The following PTPN4 variants were observed in gnomAD, a reference collection of about 807,000 sequenced individuals.
PTPN4 encodes the protein tyrosine-protein phosphatase non-receptor type 4.
A neutral mutation model predicts 135.5 loss-of-function variants in PTPN4; 49 were observed. The ratio of observed to expected loss-of-function variants is 0.36; its 90% CI spans 0.29 to 0.46. The LOEUF (loss-of-function observed/expected upper bound fraction) is 0.46, where lower values mean the gene tolerates loss of function less well. Ranked by LOEUF, PTPN4 falls within the 20% of genes least tolerant of loss-of-function variation. The probability of loss-of-function intolerance (pLI) is 1.00; values close to 1 mark genes in which losing one functional copy is unlikely to be tolerated. For missense variants in PTPN4, 860 were observed against 1,101.0 expected, an observed-to-expected ratio of 0.78 and a Z score of 3.10; for synonymous variants, 333 against 369.9, an observed-to-expected ratio of 0.90 and a Z score of 1.14.
intron 24 of PTPN4, among the ~76,000 whole-genome samples, chr2:119,964,920 G>A (rs1018208921): frequency 1.2e-4 from 18 of 152,286 alleles, no homozygotes; most frequent in African/African-American, 4.1e-4. Flanking sequence ...CGAATACACT[G>A]AGACAGCAGG....
chr2:119,782,708 A>AC (rs1553434772), intron 1 of PTPN4, among the ~76,000 whole-genome samples: 2 of 40,456 alleles, frequency 4.9e-5, no homozygotes, highest in African/African-American at 9.8e-5. Flanking sequence ...AAACCCCCCC[A>AC]CCCCCCTTTT....
intron 3 of PTPN4, among the ~76,000 whole-genome samples, chr2:119,871,112 T>G (rs1216369631): frequency 6.7e-6 from 1 of 150,048 alleles, no homozygotes; most frequent in African/African-American, 2.5e-5. Flanking sequence ...CGTGACAAGA[T>G]ATTCAGCTTC....
chr2:119,852,788 G>T (rs1677611525), intron 2 of PTPN4, among the ~76,000 whole-genome samples: 1 of 151,422 alleles, frequency 6.6e-6, no homozygotes, highest in African/African-American at 2.4e-5. Flanking sequence ...TCTCAGCTCT[G>T]CTTTGGCCTT....
At chr2:119,764,087 A>T (rs1452780475) in intron 1 of PTPN4, among the ~76,000 whole-genome samples, 1 of 152,172 alleles carries the variant, frequency 6.6e-6, no homozygotes, top group Non-Finnish European at 1.5e-5. Context: ...GTCTGAAAGG[A>T]TCCCCTCCCC....
intron 8 of PTPN4, among the ~76,000 whole-genome samples, chr2:119,882,873 T>C (rs1678100749): frequency 6.6e-6 from 1 of 152,168 alleles, no homozygotes; most frequent in Non-Finnish European, 1.5e-5. Flanking sequence ...TATTGTGTAA[T>C]AGTCTAAATA....
At chr2:119,846,519 G>C (rs1476445992) in intron 2 of PTPN4, among the ~76,000 whole-genome samples, 1 of 150,204 alleles carries the variant, frequency 6.7e-6, no homozygotes, top group Non-Finnish European at 1.5e-5. Context: ...AAAGAAAAGT[G>C]TGTCTTTCTT....
intron 2 of PTPN4, among the ~76,000 whole-genome samples, chr2:119,851,730 T>C (rs183706929): frequency 1.3e-5 from 2 of 152,328 alleles, no homozygotes; most frequent in Admixed American, 6.5e-5. Flanking sequence ...TACTTCTCCC[T>C]GGGGCCTGCA....
chr2:119,925,739 A>G (rs948930403), intron 12 of PTPN4, among the ~76,000 whole-genome samples: 7 of 152,196 alleles, frequency 4.6e-5, no homozygotes, highest in African/African-American at 1.4e-4. Flanking sequence ...TACTCTTTTG[A>G]CTGACAGATG....
chr2:119,949,947 A>G (rs1246761206), intron 18 of PTPN4, among the ~76,000 whole-genome samples: 1 of 152,112 alleles, frequency 6.6e-6, no homozygotes, highest in East Asian at 1.9e-4. Flanking sequence ...GTATGTGTGT[A>G]TATATACACA....
At chr2:119,878,912 T>A (rs1277921155) in intron 5 of PTPN4, among the ~76,000 whole-genome samples, 1 of 151,594 alleles carries the variant, frequency 6.6e-6, no homozygotes, top group South Asian at 2.1e-4. Context: ...GCTAACACGG[T>A]GAAACCCCAT....
intron 9 of PTPN4, among the ~76,000 whole-genome samples, chr2:119,886,628 G>T (rs984972365): frequency 1.4e-4 from 21 of 152,144 alleles, no homozygotes; most frequent in African/African-American, 5.1e-4. Flanking sequence ...GAAATGAATA[G>T]TTGAGCCTAA....
At chr2:119,965,348 C>A in intron 24 of PTPN4, 149 bp from the exon 25 acceptor site, 1 of 731,272 alleles carries the variant, frequency 1.4e-6, no homozygotes, top group Non-Finnish European at 2.1e-6. Context: ...CAGAGAGCAG[C>A]TGACCTAGTG....
Position 119,965,618 on chromosome 2 carries a change from A to G in PTPN4, c.2531A>G (p.Lys844Arg), listed in dbSNP as rs1553479032. 3.7e-6 allele frequency: 6 copies of G among 1,613,920 alleles called. 1 individual carries two copies. In the South Asian group the frequency reaches 6.6e-5, roughly 18 times the overall value. Residue 844 changes from lysine (K) to arginine (R), a missense_variant, in exon 25 of 27, where the codon AAG becomes AGG. Around this residue, in one of 2 missense-constraint regions of PTPN4, gnomAD observed 176 missense variants for 294.1 expected, o/e 0.60. Transcript: ENST00000263708. ...CATGTACGAAACAAGAGGGCTGGCA[A>G]GGAAGAACCCGTTGTTGTCCATTGC... ...VCHVRNKRAGKEEPVVVHCSA... is the reference protein window; with the variant it reads ...VCHVRNKRAGREEPVVVHCSA...
At chr2:119,906,704 ACAT>A (rs2105019134) in intron 10 of PTPN4, among the ~76,000 whole-genome samples, 1 of 152,352 alleles carries the variant, frequency 6.6e-6, no homozygotes, top group Non-Finnish European at 1.5e-5. Context: ...TCCACAGCTA[ACAT>A]CATACAGAAC....
chr2:119,862,759 TTAAA>T (rs1677779627), intron 3 of PTPN4, 116 bp downstream of exon 3: 1 of 696,848 alleles, frequency 1.4e-6, no homozygotes, highest in South Asian at 2.4e-5. Flanking sequence ...TTTACTTGAC[TTAAA>T]TAGAGGTAAT....
intron 3 of PTPN4, among the ~76,000 whole-genome samples, chr2:119,866,221 G>A (rs1427307894): frequency 6.6e-6 from 1 of 152,028 alleles, no homozygotes; most frequent in East Asian, 1.9e-4. Context: ...ACAGAGGCTT[G>A]AGATTATATT....
intron 2 of PTPN4, among the ~76,000 whole-genome samples, chr2:119,857,893 G>T (rs1430093199): frequency 6.6e-6 from 1 of 152,160 alleles, no homozygotes; most frequent in Non-Finnish European, 1.5e-5. Flanking sequence ...GTGATTCCCA[G>T]TGTTGGAGGT....
chr2:119,819,537 T>G (rs530569143), intron 2 of PTPN4, among the ~76,000 whole-genome samples: 47 of 152,330 alleles, frequency 3.1e-4, no homozygotes, highest in Non-Finnish European at 6.2e-4. Flanking sequence ...AGATCTCAGT[T>G]AATAATAGTA....
chr2:119,775,821 A>G (rs946918455), intron 1 of PTPN4, among the ~76,000 whole-genome samples: 3 of 151,238 alleles, frequency 2.0e-5, no homozygotes, highest in Non-Finnish European at 4.4e-5. Context: ...ATCTATATCT[A>G]TATCTATATC....
Sources: gnomAD v4.1 joint callset for allele counts (sites outside exome capture counted in the v4.1 genomes callset) on GRCh38, gnomAD v4.1.1 for gene constraint, gnomAD v4.1.1 regional missense constraint, MANE v1.5 for transcripts, NCBI Gene and HGNC (gene_info 2026-07-23, HGNC 2026-07-21) for gene names.